The following CADM2 variants were observed in gnomAD, a reference collection of about 807,000 sequenced individuals.
CADM2 encodes the protein immunoglobulin superfamily member 4D.
In CADM2, 12 loss-of-function variants were observed where a neutral mutation model predicts 49.8. That is an observed-to-expected ratio of 0.24 (90% CI 0.15 to 0.39). The LOEUF (loss-of-function observed/expected upper bound fraction) is 0.39, where lower values mean the gene tolerates loss of function less well. CADM2 is among the 10% of genes least tolerant of loss of function. CADM2 has a pLI of 1.00. For missense variants in CADM2, 378 were observed against 492.3 expected, an observed-to-expected ratio of 0.77 and a Z score of 2.20; for synonymous variants, 214 against 175.4, an observed-to-expected ratio of 1.22 and a Z score of -1.74.
At chr3:85,956,822 CAG>C (rs1724121509) in intron 7 of CADM2, among the ~76,000 whole-genome samples, 1 of 151,394 alleles carries the variant, frequency 6.6e-6, no homozygotes, top group South Asian at 2.1e-4. Flanking sequence ...AGCTTATAAA[CAG>C]AACTAGGAAA....
intron 1 of CADM2, among the ~76,000 whole-genome samples, chr3:85,213,123 T>C (rs1439865101): frequency 6.6e-6 from 1 of 152,006 alleles, no homozygotes; most frequent in African/African-American, 2.4e-5. Context: ...CCTCAGGTGA[T>C]CTGCCTACCT....
At chr3:85,831,726 A>G (rs1312657239) in intron 3 of CADM2, among the ~76,000 whole-genome samples, 1 of 151,892 alleles carries the variant, frequency 6.6e-6, no homozygotes, top group Non-Finnish European at 1.5e-5. Flanking sequence ...TAGATTTTGG[A>G]TATTAGACTT....
At chr3:85,658,583 T>C (rs1350366917) in intron 1 of CADM2, among the ~76,000 whole-genome samples, 1 of 79,840 alleles carries the variant, frequency 1.3e-5, no homozygotes, top group African/African-American at 5.7e-5. Context: ...TGTGTATATA[T>C]ATATATATAT....
intron 3 of CADM2, among the ~76,000 whole-genome samples, chr3:85,864,057 G>C (rs2075635002): frequency 6.6e-6 from 1 of 152,132 alleles, no homozygotes; most frequent in Non-Finnish European, 1.5e-5. Context: ...ATCTTAGGAC[G>C]AGAGTCCAGG....
At position 85,134,240 on chromosome 3, in the gene CADM2, C is replaced by G. The variant is rs192654782; in HGVS notation, c.61+174572C>G. 6.3e-3 allele frequency among the ~76,000 whole-genome samples: 959 copies of G among 152,340 alleles called. 14 individuals carry two copies. The highest frequency in any genetic ancestry group is 0.021 in the African/African-American group (890 of 41,596). ...GCAGCCCCGGTTCCCGCTCGCGCGT[C>G]TCCCTCCACACCTCCCTGCAAGCTG... On this transcript the variant is annotated intron_variant, in intron 1 of 9. Transcript: ENST00000383699.
At chr3:85,925,272 G>A (rs1009777895) in intron 6 of CADM2, among the ~76,000 whole-genome samples, 1 of 152,114 alleles carries the variant, frequency 6.6e-6, no homozygotes, top group African/African-American at 2.4e-5. Flanking sequence ...CCGATGGGTT[G>A]CTATTTTTGC....
At chr3:85,809,406 C>T (rs2072667398) in intron 3 of CADM2, among the ~76,000 whole-genome samples, 1 of 151,938 alleles carries the variant, frequency 6.6e-6, no homozygotes, top group African/African-American at 2.4e-5. Flanking sequence ...GCCTGGCCAA[C>T]ATGGTGAAAC....
rs140222532 is a variant in CADM2, at chr3:85,629,470, T to C, written c.62-97052T>C. ...GTTTGCATTGGTTAAAGTTTATAGATGAATTGATAGAAATTGTTACAAACT... is the reference window on the plus strand; with the variant it reads ...GTTTGCATTGGTTAAAGTTTATAGACGAATTGATAGAAATTGTTACAAACT... On this transcript the variant is annotated intron_variant, in intron 1 of 9. Transcript: ENST00000383699. 2.1e-3 allele frequency among the ~76,000 whole-genome samples: 319 copies of C among 152,012 alleles called. 2 individuals are homozygous for C. The highest frequency in any genetic ancestry group is 6.9e-3 in the African/African-American group (287 of 41,528).
At chr3:85,650,832 A>G (rs2065022291) in intron 1 of CADM2, among the ~76,000 whole-genome samples, 1 of 150,554 alleles carries the variant, frequency 6.6e-6, no homozygotes, top group South Asian at 2.1e-4. Context: ...AGCACCATAA[A>G]TGTTAATTTT....
chr3:85,107,380 A>G (rs576266356), intron 1 of CADM2, among the ~76,000 whole-genome samples: 1 of 152,182 alleles, frequency 6.6e-6, no homozygotes, highest in Non-Finnish European at 1.5e-5. Context: ...TCATTAAGAA[A>G]ATACAATTCA....
intron 1 of CADM2, among the ~76,000 whole-genome samples, chr3:85,711,856 A>T (rs2067129621): frequency 6.6e-6 from 1 of 152,164 alleles, no homozygotes; most frequent in Non-Finnish European, 1.5e-5. Context: ...ATAAATTTAA[A>T]ACCTTATTAC....
intron 1 of CADM2, among the ~76,000 whole-genome samples, chr3:85,485,337 T>C (rs1435084089): frequency 1.3e-5 from 2 of 152,034 alleles, no homozygotes; most frequent in Admixed American, 1.3e-4. Context: ...TCTAACACTT[T>C]AGATTTGCCT....
intron 5 of CADM2, among the ~76,000 whole-genome samples, chr3:85,893,249 G>A (rs749331924): frequency 7.2e-5 from 11 of 152,120 alleles, no homozygotes; most frequent in East Asian, 1.9e-4. Context: ...CTGGGGAAAC[G>A]ATTCCTTATT....
chr3:85,945,252 C>T lies in CADM2; in HGVS notation c.791+9395C>T, dbSNP rs538855438. Among the ~76,000 whole-genome samples, 7 of 152,144 alleles carry T rather than the reference C, an allele frequency of 4.6e-5. No homozygotes were observed. In the South Asian group the frequency reaches 1.2e-3, roughly 27 times the overall value. On this transcript the variant is annotated intron_variant, in intron 7 of 9. Coordinates refer to ENST00000383699, the MANE Select transcript of CADM2 (RefSeq NM_001167675.2). ...GGAAGAAGTTGAATCTCTGAATAGA[C>T]CAATAACAGGCTCTGAAATTGAGGC...
rs564159868 is a variant in CADM2, at chr3:85,848,874, A to AT, written c.239-34408dup. 1.1e-3 allele frequency among the ~76,000 whole-genome samples: 165 copies of AT among 151,766 alleles called. 1 individual carries two copies. In the East Asian group the frequency reaches 0.015, roughly 14 times the overall value. ...TTCATCACAAACAAACTAGAAACAG[A>AT]TTTTTTTTTAGTCTGTATTACAGAT... On this transcript the variant is annotated intron_variant, in intron 3 of 9. Transcript: ENST00000383699.
intron 1 of CADM2, among the ~76,000 whole-genome samples, chr3:85,342,790 A>T (rs1429669686): frequency 6.6e-6 from 1 of 152,192 alleles, no homozygotes; most frequent in Non-Finnish European, 1.5e-5. Context: ...ACTCAATTAT[A>T]CATGGAGTAT....
rs139382496 is a variant in CADM2, at chr3:85,231,753, C to T, written c.61+272085C>T. 4.0e-4 allele frequency among the ~76,000 whole-genome samples: 60 copies of T among 148,688 alleles called. No individual in the cohort carries two copies. In the East Asian group the frequency reaches 9.1e-3, roughly 23 times the overall value. On this transcript the variant is annotated intron_variant, in intron 1 of 9. Transcript: ENST00000383699. The stretch of plus-strand genomic sequence containing the variant: ...TTGAGATGAAGTTTTGTTCTTCTCA[C>T]CTGGGCTAGAGTGTAATGGTGCAAT...
intron 5 of CADM2, among the ~76,000 whole-genome samples, chr3:85,911,500 T>C (rs1248241576): frequency 6.6e-6 from 1 of 152,192 alleles, no homozygotes; most frequent in Non-Finnish European, 1.5e-5. Context: ...CAATGTAAAT[T>C]TCACTGCAAA....
chr3:85,308,011 C>G (rs372514715), intron 1 of CADM2, among the ~76,000 whole-genome samples: 1 of 150,842 alleles, frequency 6.6e-6, no homozygotes, highest in African/African-American at 2.4e-5. Flanking sequence ...CTTCAACCTA[C>G]ACAAATGTGC....
Sources: gnomAD v4.1 joint callset for allele counts (sites outside exome capture counted in the v4.1 genomes callset) on GRCh38, gnomAD v4.1.1 for gene constraint, MANE v1.5 for transcripts, NCBI Gene and HGNC (gene_info 2026-07-23, HGNC 2026-07-21) for gene names.